RGS9: variants seen among roughly 807,000 people sequenced by gnomAD.
RGS9 encodes the protein regulator of G-protein signalling 9.
Under a neutral mutation model 102.0 loss-of-function variants are expected in RGS9, and 78 were observed. The observed-to-expected ratio is 0.76, with a 90% CI of 0.64 to 0.92. RGS9 has a LOEUF of 0.92. Ranked by LOEUF, RGS9 falls within the 40% of genes least tolerant of loss-of-function variation. The pLI is 0.00. For synonymous variants in RGS9, 353 were observed against 318.6 expected (o/e 1.11, Z -1.15); for missense variants, 833 against 866.1 (o/e 0.96, Z 0.48).
At chr17:65,193,692 C>A (rs374746313) in intron 12 of RGS9, 36 bp downstream of exon 12, 1 of 1,326,540 alleles carries the variant, frequency 7.5e-7, no homozygotes, top group Non-Finnish European at 1.1e-6. Context: ...TTTAAAAAAC[C>A]GTTTTTGAGT....
chr17:65,195,485 G>A (rs556994090), intron 12 of RGS9, among the ~76,000 whole-genome samples: 49 of 151,998 alleles, frequency 3.2e-4, no homozygotes, highest in African/African-American at 1.2e-3. Context: ...GTAAGTATAT[G>A]TATATATATA....
At chr17:65,189,532 C>A (rs1255094701) in intron 10 of RGS9, among the ~76,000 whole-genome samples, 3 of 152,162 alleles carry the variant, frequency 2.0e-5, no homozygotes, top group African/African-American at 7.2e-5. Flanking sequence ...TCTGAAAAAC[C>A]CCTCGAAGGC....
At chr17:65,177,602 C>T in intron 8 of RGS9, 130 bp from the exon 9 acceptor site, 1 of 936,512 alleles carries the variant, frequency 1.1e-6, no homozygotes, top group South Asian at 1.3e-5. Flanking sequence ...CCACTCAAAG[C>T]TTCCCATGGG....
chr17:65,160,831 G>A lies in RGS9; in HGVS notation c.365-20G>A, dbSNP rs1323872624. ...GTTTTGAAAGATGATGATGGAAAAT[G>A]TCATTGCTTTCTTTTCCAGCCATCT... On this transcript the variant is annotated intron_variant, in intron 5 of 18. Transcript: ENST00000262406. 1 of 1,611,712 alleles carries A rather than the reference G, an allele frequency of 6.2e-7. No individual in the cohort carries two copies. The highest frequency in any genetic ancestry group is 2.2e-5 in the East Asian group (1 of 44,868).
At position 65,227,180 on chromosome 17, in the gene RGS9, G is replaced by A. The variant is rs1905726069; in HGVS notation, c.1893-95G>A. 12 of 1,560,488 alleles carry A rather than the reference G, an allele frequency of 7.7e-6. No homozygotes were observed. The South Asian group carries it at 1.3e-4, about 17-fold the overall frequency. On this transcript the variant is annotated intron_variant, in intron 18 of 18. Transcript: ENST00000262406. ...CCACAGTCTTTGGCAAATGCACCTG[G>A]TATGTTCATCTTCAAGGATGTCAGG...
At chr17:65,189,417 C>T (rs16960958) in intron 10 of RGS9, 102 bp downstream of exon 10, 17 of 875,938 alleles carry the variant, frequency 1.9e-5, no homozygotes, top group African/African-American at 4.9e-5. Context: ...ATGAAAACCA[C>T]GTGCAATGTT....
At chr17:65,164,385 G>C (rs577389289) in intron 7 of RGS9, among the ~76,000 whole-genome samples, 5 of 152,300 alleles carry the variant, frequency 3.3e-5, no homozygotes, top group African/African-American at 1.2e-4. Flanking sequence ...AGGTTGGTGG[G>C]TGGGGACATA....
In RGS9 at chr17:65,204,174, C is replaced by T. The variant is rs780383847; in HGVS notation, c.1076C>T (p.Ala359Val). The T allele has an allele frequency of 6.2e-7, 1 of 1,612,398 alleles. No individual in the cohort carries two copies. Among genetic ancestry groups the T allele is most frequent in the African/African-American group, 1.3e-5 (1 of 74,972 alleles). ...KAEEIYKLFL[A>V]PGARRWINID... ...CCCTCCCACCCCAGGCTGTTCCTGG[C>T]CCCGGGGGCGAGGCGCTGGATCAAC... Residue 359 changes from alanine (A) to valine (V), a missense_variant, in exon 15 of 19, where the codon GCC (alanine) becomes GTC (valine). By Grantham distance (64) the Ala-to-Val change is moderately conservative (BLOSUM62 0). Coordinates refer to ENST00000262406, the MANE Select transcript of RGS9 (RefSeq NM_003835.4).
chr17:65,218,633 A>G (rs1913596690), intron 17 of RGS9, among the ~76,000 whole-genome samples: 1 of 152,122 alleles, frequency 6.6e-6, no homozygotes, highest in Admixed American at 6.5e-5. Context: ...GTGGATGCTC[A>G]GAAATAGCTC....
At chr17:65,211,388 G>T (rs1023744207) in intron 17 of RGS9, among the ~76,000 whole-genome samples, 1 of 152,142 alleles carries the variant, frequency 6.6e-6, no homozygotes, top group Admixed American at 6.5e-5. Flanking sequence ...AGCGGCTTGC[G>T]GGAATGAAGG....
At chr17:65,176,481 G>A (rs551202186) in intron 8 of RGS9, among the ~76,000 whole-genome samples, 2 of 152,154 alleles carry the variant, frequency 1.3e-5, no homozygotes, top group Non-Finnish European at 2.9e-5. Flanking sequence ...CTGGGAAGTG[G>A]CAGAACCAGG....
intron 17 of RGS9, among the ~76,000 whole-genome samples, chr17:65,213,329 G>T (rs1913371419): frequency 6.6e-6 from 1 of 152,188 alleles, no homozygotes; most frequent in South Asian, 2.1e-4. Context: ...TTTGTGCTTG[G>T]CTGTGGCAGG....
intron 1 of RGS9, among the ~76,000 whole-genome samples, chr17:65,139,113 C>T (rs1218022947): frequency 2.5e-3 from 22 of 8,964 alleles, no homozygotes; most frequent in Non-Finnish European, 0.018. Context: ...CCCCCCTCCA[C>T]CCCACCTTTC....
At chr17:65,162,970 A>T (rs774792415) in intron 6 of RGS9, 43 bp from the exon 7 acceptor site, 1 of 1,112,908 alleles carries the variant, frequency 9.0e-7, no homozygotes, top group South Asian at 1.3e-5. Context: ...CACATGGCAT[A>T]TGTCTTGGGG....
chr17:65,215,501 T>A (rs1042714753), intron 17 of RGS9, among the ~76,000 whole-genome samples: 36 of 94,448 alleles, frequency 3.8e-4, no homozygotes, highest in Admixed American at 2.9e-3. Context: ...TCTTTCGTTC[T>A]TTCTTTCTTT....
rs1168226300 is a variant in RGS9, at chr17:65,153,505, T to C, written c.141T>C (p.Pro47=). 4 of 1,613,732 alleles carry C rather than the reference T, an allele frequency of 2.5e-6. No individual in the cohort carries two copies. The African/African-American group carries it at 4.0e-5, about 16-fold the overall frequency. The change falls in exon 2 of 19, where the codon CCT becomes CCC. Residue 47 remains proline (P), a synonymous_variant. Coordinates refer to ENST00000262406, the MANE Select transcript of RGS9 (RefSeq NM_003835.4). ...QNQRVLVTSV[P]HAMTGSDVLQ... The stretch of plus-strand genomic sequence containing the variant: ...AGAGGGTCCTGGTCACCAGCGTTCC[T>C]CATGCCATGACAGGTGATGTAGCTT...
chr17:65,197,692 CAG>C (rs981762232), intron 13 of RGS9, among the ~76,000 whole-genome samples: 5 of 150,326 alleles, frequency 3.3e-5, no homozygotes, highest in African/African-American at 1.2e-4. Context: ...TTTCTGGAGA[CAG>C]AGTCTTGCTG....
At chr17:65,218,858 GC>G (rs1463538975) in intron 17 of RGS9, among the ~76,000 whole-genome samples, 1 of 152,244 alleles carries the variant, frequency 6.6e-6, no homozygotes, top group Non-Finnish European at 1.5e-5. Flanking sequence ...CCAGCATCCT[GC>G]TAAGTGCTTG....
At chr17:65,169,918 C>T (rs1334829552) in intron 8 of RGS9, among the ~76,000 whole-genome samples, 3 of 152,024 alleles carry the variant, frequency 2.0e-5, no homozygotes, top group Non-Finnish European at 4.4e-5. Context: ...CTCTTATTTC[C>T]CCCACTTTCT....
Sources: gnomAD v4.1 joint callset for allele counts (sites outside exome capture counted in the v4.1 genomes callset) on GRCh38, gnomAD v4.1.1 for gene constraint, MANE v1.5 for transcripts, NCBI Gene and HGNC (gene_info 2026-07-23, HGNC 2026-07-21) for gene names.